USP37: variants seen among roughly 807,000 people sequenced by gnomAD.
USP37 encodes the protein ubiquitin carboxyl-terminal hydrolase 37.
A neutral mutation model predicts 124.0 loss-of-function variants in USP37; 27 were observed. The ratio of observed to expected loss-of-function variants is 0.22; its 90% confidence interval spans 0.16 to 0.30. The LOEUF is 0.30. Ranked by LOEUF, USP37 falls within the 10% of genes least tolerant of loss-of-function variation. The pLI is 1.00. For missense variants in USP37, 889 were observed against 1,140.4 expected, an observed-to-expected ratio of 0.78 and a Z score of 3.17; for synonymous variants, 365 against 388.0, an observed-to-expected ratio of 0.94 and a Z score of 0.70.
chr2:218,543,030 A>C (rs764831996), intron 8 of USP37, among the ~76,000 whole-genome samples: 1 of 152,204 alleles, frequency 6.6e-6, no homozygotes, highest in Non-Finnish European at 1.5e-5. Flanking sequence ...TTTGATAAAA[A>C]CGGTCATATT....
At chr2:218,540,119 G>A (rs537210461) in intron 8 of USP37, among the ~76,000 whole-genome samples, 13 of 152,176 alleles carry the variant, frequency 8.5e-5, no homozygotes, top group Non-Finnish European at 5.9e-5. Flanking sequence ...CATCACTACT[G>A]TCGTGCTTTG....
chr2:218,482,324 T>G, intron 16 of USP37, 90 bp from the exon 17 acceptor site: 2 of 1,364,882 alleles, frequency 1.5e-6, no homozygotes, highest in Non-Finnish European at 9.7e-7. Context: ...GTTAGACGAC[T>G]TTTGATTTAA....
At chr2:218,510,563 T>C (rs1317176553) in intron 10 of USP37, among the ~76,000 whole-genome samples, 1 of 152,208 alleles carries the variant, frequency 6.6e-6, no homozygotes. Context: ...AGTGAAAATG[T>C]TGGAGGTATT....
intron 8 of USP37, among the ~76,000 whole-genome samples, chr2:218,543,152 C>T (rs148601509): frequency 1.3e-5 from 2 of 152,216 alleles, no homozygotes; most frequent in East Asian, 3.9e-4. Context: ...CAACAAGGTC[C>T]TATTTGAGAC....
At chr2:218,485,526 T>C in intron 16 of USP37, 138 bp downstream of exon 16, 1 of 1,018,792 alleles carries the variant, frequency 9.8e-7, no homozygotes, top group South Asian at 1.8e-5. Context: ...CCTGACCCTC[T>C]TTACCAATCC....
chr2:218,529,807 A>T, intron 10 of USP37, 149 bp downstream of exon 10: 1 of 593,312 alleles, frequency 1.7e-6, no homozygotes, highest in Non-Finnish European at 2.9e-6. Flanking sequence ...ATACTTTCTA[A>T]CTAACATGTC....
chr2:218,530,622 TCTC>T (rs1176635932), intron 9 of USP37, among the ~76,000 whole-genome samples: 1 of 152,062 alleles, frequency 6.6e-6, no homozygotes, highest in Non-Finnish European at 1.5e-5. Context: ...GAGATGCACA[TCTC>T]CTTTTAAATA....
chr2:218,487,572 C>T (rs1163053442), intron 15 of USP37, among the ~76,000 whole-genome samples: 1 of 152,134 alleles, frequency 6.6e-6, no homozygotes, highest in African/African-American at 2.4e-5. Flanking sequence ...AGGCACACGC[C>T]ACCATGCCCA....
intron 15 of USP37, 137 bp from the exon 16 acceptor site, chr2:218,485,880 G>T: frequency 1.2e-6 from 1 of 869,008 alleles, no homozygotes; most frequent in Non-Finnish European, 1.8e-6. Flanking sequence ...TGTGTCTAGA[G>T]CCATGAGCCT....
chr2:218,504,056 A>C (rs1315675620), intron 11 of USP37, among the ~76,000 whole-genome samples: 1 of 152,226 alleles, frequency 6.6e-6, no homozygotes, highest in Non-Finnish European at 1.5e-5. Context: ...TCATAACAAT[A>C]GGGAGGTCGA....
chr2:218,497,279 G>T (rs1689133016), intron 13 of USP37, among the ~76,000 whole-genome samples: 1 of 151,716 alleles, frequency 6.6e-6, no homozygotes. Context: ...CACCATGTTG[G>T]CCAGGCTGGT....
intron 16 of USP37, among the ~76,000 whole-genome samples, chr2:218,485,429 C>T (rs1574866816): frequency 6.6e-6 from 1 of 152,062 alleles, no homozygotes; most frequent in Non-Finnish European, 1.5e-5. Context: ...GCTAGGATTA[C>T]AGGCGTGAGC....
intron 17 of USP37, 99 bp downstream of exon 17, chr2:218,481,971 T>A (rs1691294953): frequency 2.9e-6 from 4 of 1,376,530 alleles, no homozygotes; most frequent in Non-Finnish European, 3.9e-6. Flanking sequence ...TGATTTTACC[T>A]TGGAGTCATA....
At chr2:218,533,686 A>C (rs1314513857) in intron 9 of USP37, among the ~76,000 whole-genome samples, 1 of 152,226 alleles carries the variant, frequency 6.6e-6, no homozygotes, top group East Asian at 1.9e-4. Context: ...CAATGTCACA[A>C]TCCCAAACCA....
chr2:218,539,253 C>T (rs1275285135), intron 8 of USP37, among the ~76,000 whole-genome samples: 1 of 152,112 alleles, frequency 6.6e-6, no homozygotes, highest in Admixed American at 6.6e-5. Context: ...GCCACCGTGC[C>T]CGACCTGCCC....
rs758948673 is a variant in USP37 at position 218,488,285 on chromosome 2, T to C, written c.1590+19A>G. Reference sequence around the variant, plus strand: ...GATATAAAATTTAGTTATGTGAAAATACAAAAGATATTATTTACCCTAAAG... The same window carrying C: ...GATATAAAATTTAGTTATGTGAAAACACAAAAGATATTATTTACCCTAAAG... On this transcript the variant is annotated intron_variant, in intron 15 of 25. Transcript: ENST00000258399. 6.7e-6 allele frequency: 10 copies of C among 1,481,988 alleles called. No individual in the cohort carries two copies. The South Asian group carries it at 1.3e-4, about 19-fold the overall frequency. 91.8% of individuals were successfully genotyped at this position (1,481,988 alleles called of 1,614,324 possible). A position where few individuals can be genotyped will look rare whatever the true frequency, so the allele number is the denominator to read the frequency against.
intron 10 of USP37, among the ~76,000 whole-genome samples, chr2:218,518,223 T>C (rs1402642778): frequency 6.6e-6 from 1 of 152,212 alleles, no homozygotes; most frequent in Non-Finnish European, 1.5e-5. Context: ...TTTGAGTTTT[T>C]GTATTTTTCA....
At chr2:218,544,054 T>C (rs1416966340) in intron 8 of USP37, among the ~76,000 whole-genome samples, 1 of 151,950 alleles carries the variant, frequency 6.6e-6, no homozygotes, top group Non-Finnish European at 1.5e-5. Flanking sequence ...TTGTGACTTT[T>C]CTGCAAATTA....
chr2:218,527,423 C>A (rs1691040771), intron 10 of USP37, among the ~76,000 whole-genome samples: 1 of 152,196 alleles, frequency 6.6e-6, no homozygotes, highest in Non-Finnish European at 1.5e-5. Context: ...ATTTAATTTA[C>A]ATTTAGTTCC....
Sources: gnomAD v4.1 joint callset for allele counts (sites outside exome capture counted in the v4.1 genomes callset) on GRCh38, gnomAD v4.1.1 for gene constraint, MANE v1.5 for transcripts, NCBI Gene and HGNC (gene_info 2026-07-23, HGNC 2026-07-21) for gene names.